The following SCOC variants were observed in gnomAD, a reference collection of about 807,000 sequenced individuals.
SCOC encodes short coiled coil protein.
In SCOC, 7 loss-of-function variants were observed where a neutral mutation model predicts 9.9. That is an observed-to-expected ratio of 0.71 (90% CI 0.40 to 1.33). SCOC has a LOEUF of 1.33. Among genes scored for constraint, SCOC ranks in the 40% most tolerant of loss-of-function variants. The pLI is 0.01. For synonymous variants in SCOC, 19 were observed against 28.2 expected, an observed-to-expected ratio of 0.67 and a Z score of 1.03; for missense variants, 66 against 89.7, an observed-to-expected ratio of 0.74 and a Z score of 1.07.
intron 1 of SCOC, among the ~76,000 whole-genome samples, chr4:140,326,552 A>T (rs1213034096): frequency 1.3e-5 from 2 of 152,136 alleles, no homozygotes; most frequent in Non-Finnish European, 2.9e-5. Context: ...AATTCTGTCA[A>T]TGTGAGCTCC....
At chr4:140,305,340 T>C (rs965892748) in intron 1 of SCOC, among the ~76,000 whole-genome samples, 4 of 152,170 alleles carry the variant, frequency 2.6e-5, no homozygotes, top group Non-Finnish European at 5.9e-5. Flanking sequence ...TCAATATTTG[T>C]TGGACATACT....
intron 1 of SCOC, among the ~76,000 whole-genome samples, chr4:140,337,866 G>A (rs1465609189): frequency 2.0e-5 from 3 of 152,100 alleles, no homozygotes; most frequent in Non-Finnish European, 4.4e-5. Context: ...TTCTACCAGA[G>A]GTACAAGGAG....
At chr4:140,304,261 T>TTTG (rs959722509) in intron 1 of SCOC, among the ~76,000 whole-genome samples, 2 of 152,120 alleles carry the variant, frequency 1.3e-5, no homozygotes, top group East Asian at 1.9e-4. Flanking sequence ...AAAACAGGGT[T>TTTG]TTGTTGTTGT....
At chr4:140,373,284 T>G, upstream of SCOC, 1 of 1,349,848 alleles carries the variant, frequency 7.4e-7, no homozygotes. Context: ...ATGACTTCTC[T>G]GTCGCTCATA....
chr4:140,275,821 T>G (rs1475662535), intron 1 of SCOC, among the ~76,000 whole-genome samples: 6 of 97,900 alleles, frequency 6.1e-5, no homozygotes, highest in Admixed American at 3.5e-4. Flanking sequence ...CTCAGGTTTG[T>G]TTTTTTTTTT....
At chr4:140,348,530 G>T (rs1407862773) in intron 2 of SCOC, among the ~76,000 whole-genome samples, 1 of 147,852 alleles carries the variant, frequency 6.8e-6, no homozygotes, top group African/African-American at 2.5e-5. Context: ...GTGTGAGTGT[G>T]TGTATATGTA....
At chr4:140,343,753 G>T in intron 2 of SCOC, 1 of 1,315,670 alleles carries the variant, frequency 7.6e-7, no homozygotes, top group Non-Finnish European at 1.1e-6. Flanking sequence ...TTCAACAACA[G>T]CTCAGTTTTT....
intron 1 of SCOC, among the ~76,000 whole-genome samples, chr4:140,298,082 G>T (rs1731703882): frequency 6.6e-6 from 1 of 152,124 alleles, no homozygotes; most frequent in Non-Finnish European, 1.5e-5. Context: ...CTTAGGCAGT[G>T]CCAGGTATTG....
At chr4:140,264,318 T>C (rs1365187932) in intron 1 of SCOC, among the ~76,000 whole-genome samples, 3 of 152,186 alleles carry the variant, frequency 2.0e-5, no homozygotes, top group Non-Finnish European at 4.4e-5. Context: ...TGGTGGTTAA[T>C]GTGGGTTCTG....
intron 1 of SCOC, among the ~76,000 whole-genome samples, chr4:140,303,773 C>A (rs139011243): frequency 2.0e-5 from 3 of 152,194 alleles, no homozygotes; most frequent in Admixed American, 1.3e-4. Flanking sequence ...TATAGTGGAA[C>A]AGAGTTTCAG....
chr4:140,294,848 T>C (rs116419552), intron 1 of SCOC, among the ~76,000 whole-genome samples: 1,826 of 152,344 alleles, frequency 0.012, 45 homozygotes, highest in African/African-American at 0.042. Context: ...TAAAAGTAGC[T>C]ACTTGTCCAT....
chr4:140,302,595 A>G (rs1382960655), intron 1 of SCOC, among the ~76,000 whole-genome samples: 1 of 152,240 alleles, frequency 6.6e-6, no homozygotes, highest in Non-Finnish European at 1.5e-5. Context: ...AACAAGCCAG[A>G]TACTATTTCT....
intron 1 of SCOC, among the ~76,000 whole-genome samples, chr4:140,290,320 C>T (rs993113938): frequency 2.6e-5 from 4 of 152,186 alleles, no homozygotes; most frequent in Non-Finnish European, 5.9e-5. Context: ...CAACCTTGGG[C>T]TTTCTCCTCT....
chr4:140,326,608 T>C (rs187794906), intron 1 of SCOC, among the ~76,000 whole-genome samples: 1 of 150,702 alleles, frequency 6.6e-6, no homozygotes, highest in East Asian at 2.0e-4. Context: ...GCCCACGCTT[T>C]ACAGTACAGC....
upstream of SCOC, among the ~76,000 whole-genome samples, chr4:140,371,872 G>T (rs1363082215): frequency 6.6e-6 from 1 of 152,190 alleles, no homozygotes; most frequent in Non-Finnish European, 1.5e-5. Flanking sequence ...AGCGTCCACT[G>T]ATAGATGAAT....
chr4:140,280,106 G>T (rs527452538), intron 1 of SCOC, among the ~76,000 whole-genome samples: 1 of 152,188 alleles, frequency 6.6e-6, no homozygotes, highest in African/African-American at 2.4e-5. Context: ...AAAGTCCATT[G>T]TGTCGTGATT....
intron 1 of SCOC, among the ~76,000 whole-genome samples, chr4:140,328,449 G>GAGT (rs1343665404): frequency 1.3e-5 from 2 of 152,088 alleles, no homozygotes; most frequent in African/African-American, 4.8e-5. Context: ...TGCCACCTTC[G>GAGT]AGTCGACCTC....
intron 2 of SCOC, among the ~76,000 whole-genome samples, chr4:140,347,311 C>T (rs927660692): frequency 6.6e-6 from 1 of 152,092 alleles, no homozygotes; most frequent in Non-Finnish European, 1.5e-5. Context: ...GCACCATAAA[C>T]TAAGATAGTT....
intron 1 of SCOC, chr4:140,373,938 C>T (rs1340801725): frequency 1.4e-6 from 1 of 693,330 alleles, no homozygotes; most frequent in African/African-American, 1.8e-5. Flanking sequence ...CGTTGTCAGG[C>T]CCAGGCGTTC....
Sources: gnomAD v4.1 joint callset for allele counts (sites outside exome capture counted in the v4.1 genomes callset) on GRCh38, gnomAD v4.1.1 for gene constraint, MANE v1.5 for transcripts, NCBI Gene and HGNC (gene_info 2026-07-23, HGNC 2026-07-21) for gene names.